ITGAL: variants seen among roughly 807,000 people sequenced by gnomAD.
The protein encoded by ITGAL is integrin alpha-L.
Under a neutral mutation model 138.4 loss-of-function variants are expected in ITGAL, and 68 were observed. The ratio of observed to expected loss-of-function variants is 0.49; its 90% confidence interval spans 0.40 to 0.60. ITGAL has a LOEUF of 0.60. Ranked by LOEUF, ITGAL falls within the 20% of genes least tolerant of loss-of-function variation. ITGAL has a pLI of 0.00. For missense variants in ITGAL, 1,256 were observed against 1,478.6 expected, an observed-to-expected ratio of 0.85 and a Z score of 2.47; for synonymous variants, 561 against 584.3, an observed-to-expected ratio of 0.96 and a Z score of 0.57.
intron 11 of ITGAL, among the ~76,000 whole-genome samples, chr16:30,491,762 C>A (rs1241146177): frequency 6.6e-6 from 1 of 152,018 alleles, no homozygotes; most frequent in Admixed American, 6.6e-5. Context: ...TCCCAAAGTG[C>A]TGAGGTTATA....
rs1175732526 is a variant in ITGAL at position 30,517,087 on chromosome 16, G to A, written c.2976+1G>A. ...CACACACCAGTGGAGCGTGCAGATG[G>A]TGAGTGCTGCCTGTAGAGGGAGGGT... On this transcript the variant is annotated splice_donor_variant, in intron 26 of 30. Transcript: ENST00000356798. LOFTEE classifies it high-confidence loss of function. The A allele has an allele frequency of 1.3e-6, 2 of 1,590,728 alleles. No homozygotes were observed. Among genetic ancestry groups the A allele is most frequent in the Non-Finnish European group, 1.7e-6 (2 of 1,161,544 alleles).
At chr16:30,491,337 G>T (rs2151153810) in intron 11 of ITGAL, among the ~76,000 whole-genome samples, 1 of 151,966 alleles carries the variant, frequency 6.6e-6, no homozygotes, top group African/African-American at 2.4e-5. Context: ...GGAGGTACAG[G>T]TTGCAGTGAG....
At chr16:30,503,406 T>C (rs1227909681) in intron 17 of ITGAL, among the ~76,000 whole-genome samples, 1 of 151,786 alleles carries the variant, frequency 6.6e-6, no homozygotes, top group East Asian at 1.9e-4. Flanking sequence ...TCCAAGCTCT[T>C]AGGACAACTG....
intron 24 of ITGAL, 83 bp from the exon 25 acceptor site, chr16:30,513,688 A>T: frequency 1.0e-6 from 1 of 982,126 alleles, no homozygotes; most frequent in Non-Finnish European, 1.6e-6. Context: ...CGTTCCTAGC[A>T]CAGTGGCTGG....
intron 20 of ITGAL, 96 bp downstream of exon 20, chr16:30,505,558 C>A: frequency 1.1e-6 from 1 of 905,206 alleles, no homozygotes; most frequent in Non-Finnish European, 1.8e-6. Flanking sequence ...CACCACTTCC[C>A]TCTCTTGGGC....
intron 29 of ITGAL, 106 bp from the exon 30 acceptor site, chr16:30,519,751 G>A (rs1371784862): frequency 4.0e-5 from 30 of 753,408 alleles, no homozygotes; most frequent in South Asian, 2.3e-4. Context: ...GACTCCAGGC[G>A]GGTGATGCAG....
chr16:30,475,468 C>T (rs2050457094), intron 3 of ITGAL, 45 bp from the exon 4 acceptor site: 1 of 1,601,506 alleles, frequency 6.2e-7, no homozygotes, highest in African/African-American at 1.3e-5. Context: ...CCCAGCCCAC[C>T]TAGACTGCCT....
At chr16:30,521,447 G>A in intron 30 of ITGAL, 45 bp from the exon 31 acceptor site, 2 of 1,564,416 alleles carry the variant, frequency 1.3e-6, no homozygotes, top group Non-Finnish European at 1.7e-6. Flanking sequence ...TGGGGCCAAA[G>A]TGCTCAGTGA....
chr16:30,483,179 A>T (rs929455236), intron 7 of ITGAL: 1 of 152,148 alleles, frequency 6.6e-6, no homozygotes, highest in Non-Finnish European at 1.5e-5. Flanking sequence ...ACAAATTCTA[A>T]AAGAGCTGTA....
intron 11 of ITGAL, among the ~76,000 whole-genome samples, chr16:30,492,541 C>T (rs1375955663): frequency 6.6e-6 from 1 of 151,484 alleles, no homozygotes; most frequent in Non-Finnish European, 1.5e-5. Flanking sequence ...CGTGTGCCAC[C>T]GCTCCCGGCC....
intron 7 of ITGAL, among the ~76,000 whole-genome samples, chr16:30,482,686 C>G (rs925090131): frequency 1.3e-5 from 2 of 151,998 alleles, no homozygotes; most frequent in African/African-American, 4.8e-5. Context: ...ATTGGAGAAG[C>G]ATTTTGCATC....
chr16:30,508,074 A>G (rs2051032061), intron 21 of ITGAL, among the ~76,000 whole-genome samples: 1 of 149,244 alleles, frequency 6.7e-6, no homozygotes, highest in Non-Finnish European at 1.5e-5. Flanking sequence ...ACGCCCAGCT[A>G]ATTTTTTGTA....
chr16:30,514,818 T>TTCTTTTC (rs1174906151), intron 25 of ITGAL, among the ~76,000 whole-genome samples: 2 of 148,010 alleles, frequency 1.4e-5, no homozygotes, highest in African/African-American at 5.1e-5. Context: ...CTTTTCTTTT[T>TTCTTTTC]TCTTTTCTTT....
intron 20 of ITGAL, 97 bp from the exon 21 acceptor site, chr16:30,506,618 T>G: frequency 3.7e-6 from 3 of 800,054 alleles, no homozygotes; most frequent in Non-Finnish European, 3.8e-6. Context: ...AGATGATTGG[T>G]TTTGATTTAT....
In ITGAL at chr16:30,489,160, G is replaced by C; in HGVS notation, c.1080+5G>C. The C allele has an allele frequency of 6.2e-7, 1 of 1,613,982 alleles. No homozygotes were observed. Among genetic ancestry groups the C allele is most frequent in the East Asian group, 2.2e-5 (1 of 44,876 alleles). The stretch of plus-strand genomic sequence containing the variant: ...ATCAGTGCTGACCTCAGCAGGGTGC[G>C]TGCTGGGCTGGAGCAATGGGCTGCA... On this transcript the variant is annotated splice_donor_5th_base_variant and intron_variant, in intron 10 of 30. Transcript: ENST00000356798.
At chr16:30,520,263 G>A (rs928829134) in intron 30 of ITGAL, among the ~76,000 whole-genome samples, 2 of 152,212 alleles carry the variant, frequency 1.3e-5, no homozygotes, top group South Asian at 2.1e-4. Context: ...GAAAGCATCC[G>A]CCTCTACAAA....
chr16:30,497,144 A>G (rs1415378644), intron 15 of ITGAL, among the ~76,000 whole-genome samples: 1 of 151,950 alleles, frequency 6.6e-6, no homozygotes, highest in Non-Finnish European at 1.5e-5. Context: ...GGAGATGGAG[A>G]CCATCCTGGC....
At chr16:30,517,128 C>A in intron 26 of ITGAL, 42 bp downstream of exon 26, 4 of 1,328,186 alleles carry the variant, frequency 3.0e-6, no homozygotes, top group South Asian at 1.3e-5. Flanking sequence ...CTCCTCAGGT[C>A]TTGGGGGTGA....
At chr16:30,486,408 C>CAAAA (rs67561933) in intron 9 of ITGAL, among the ~76,000 whole-genome samples, 9 of 118,798 alleles carry the variant, frequency 7.6e-5, no homozygotes, top group East Asian at 2.2e-4. Flanking sequence ...AAAACTGTCT[C>CAAAA]AAAAAAAAAA....
Sources: gnomAD v4.1 joint callset for allele counts (sites outside exome capture counted in the v4.1 genomes callset) on GRCh38, gnomAD v4.1.1 for gene constraint, MANE v1.5 for transcripts, NCBI Gene and HGNC (gene_info 2026-07-23, HGNC 2026-07-21) for gene names.